The following NCOR2 variants were observed in gnomAD, a reference collection of about 807,000 sequenced individuals.
The protein encoded by NCOR2 is CTG repeat protein 26.
A neutral mutation model predicts 262.9 loss-of-function variants in NCOR2; 81 were observed. That is an observed-to-expected ratio of 0.31 (90% CI 0.26 to 0.37). NCOR2 has a LOEUF of 0.37. Among genes scored for constraint, NCOR2 ranks in the 10% least tolerant of loss-of-function variants. NCOR2 has a pLI of 1.00. For synonymous variants in NCOR2, 1,659 were observed against 1,559.3 expected (o/e 1.06, Z -1.51); for missense variants, 3,385 against 3,621.4 (o/e 0.93, Z 1.68).
At chr12:124,392,336 C>A (rs891419133) in intron 16 of NCOR2, among the ~76,000 whole-genome samples, 13 of 152,200 alleles carry the variant, frequency 8.5e-5, no homozygotes, top group African/African-American at 3.1e-4. Context: ...TCCAAACCAT[C>A]ACAACAGACT....
chr12:124,343,772 G>A (rs1477744651), intron 32 of NCOR2, among the ~76,000 whole-genome samples: 4 of 152,048 alleles, frequency 2.6e-5, no homozygotes, highest in Non-Finnish European at 5.9e-5. Flanking sequence ...GAATACAGGT[G>A]CGTACCACCA....
chr12:124,544,641 C>G (rs557565561), intron 1 of NCOR2, among the ~76,000 whole-genome samples: 5 of 152,176 alleles, frequency 3.3e-5, no homozygotes, highest in Non-Finnish European at 2.9e-5. Context: ...CACACCCGCC[C>G]GGGCCCAGGG....
At chr12:124,353,215 A>G (rs1193551591) in intron 27 of NCOR2, among the ~76,000 whole-genome samples, 3 of 151,906 alleles carry the variant, frequency 2.0e-5, no homozygotes, top group African/African-American at 7.3e-5. Flanking sequence ...CAGGAGAATG[A>G]CTCTCCCAGG....
rs1297253810 is a variant in NCOR2 at position 124,483,898 on chromosome 12, G to A, written c.234-125C>T. 7.7e-6 allele frequency: 9 copies of A among 1,167,040 alleles called. No individual in the cohort carries two copies. The highest frequency in any genetic ancestry group is 1.8e-5 in the South Asian group (1 of 54,754). The allele number at this position is 1,167,040 out of a possible 1,614,324, so 72.3% of individuals were successfully genotyped here. ...TGCTCTGTATGATCCTGCCAGGAAG[G>A]TGCTCACAGGAGCCCACCTCCCACG... is the stretch of plus-strand genomic sequence containing the variant. On this transcript the variant is annotated intron_variant, in intron 2 of 46. Coordinates refer to ENST00000405201, the Ensembl canonical transcript of NCOR2. This position sits in a 1 kb window ranked among gnomAD's most constrained non-coding sequence, Gnocchi z 6.3.
At chr12:124,342,147 T>A in intron 33 of NCOR2, 73 bp from the exon 36 acceptor site, 1 of 1,497,588 alleles carries the variant, frequency 6.7e-7, no homozygotes, top group South Asian at 1.3e-5. Context: ...CCTGTCTGGA[T>A]GCCCCCTACT....
At chr12:124,478,142 T>C (rs2047209587) in intron 3 of NCOR2, among the ~76,000 whole-genome samples, 1 of 152,154 alleles carries the variant, frequency 6.6e-6, no homozygotes, top group Admixed American at 6.5e-5. Flanking sequence ...GAGGAAGGCC[T>C]GGAGTCACCG....
intron 11 of NCOR2, 43 bp downstream of exon 13, chr12:124,426,579 G>A (rs776333955): frequency 3.9e-6 from 6 of 1,527,326 alleles, no homozygotes; most frequent in Admixed American, 1.8e-5. Flanking sequence ...AACAGGATGG[G>A]GGTGGGGGGC....
chr12:124,385,383 C>T (rs1352698596), intron 17 of NCOR2, among the ~76,000 whole-genome samples: 8 of 152,222 alleles, frequency 5.3e-5, no homozygotes, highest in African/African-American at 7.2e-5. Flanking sequence ...CTCATTCCAA[C>T]GCGCTGACAG....
chr12:124,412,909 T>C (rs1415576842), intron 13 of NCOR2, among the ~76,000 whole-genome samples: 1 of 151,842 alleles, frequency 6.6e-6, no homozygotes, highest in Non-Finnish European at 1.5e-5. Flanking sequence ...AAAGCAGACC[T>C]TGGCCTCAGA....
rs1324818784 is a variant in NCOR2, at chr12:124,503,666, G to A, written c.-117-8298C>T. 2.1e-5 allele frequency among the ~76,000 whole-genome samples: 3 copies of A among 140,024 alleles called. No homozygotes were observed. Among genetic ancestry groups the A allele is most frequent in the African/African-American group, 5.9e-5 (2 of 34,022 alleles). 91.9% of individuals were successfully genotyped at this position (140,024 alleles called of 152,430 possible). On this transcript the variant is annotated intron_variant, in intron 1 of 46. Coordinates refer to the NCOR2 transcript ENST00000404621. This position sits in a 1 kb window ranked among gnomAD's most constrained non-coding sequence, Gnocchi z 4.3. Reference sequence around the variant, plus strand: ...TGGATGGATGGATGGATGGATGGACGGGTGAATGGATGGATGGATGGATGG... The same window carrying A: ...TGGATGGATGGATGGATGGATGGACAGGTGAATGGATGGATGGATGGATGG...
intron 37 of NCOR2, among the ~76,000 whole-genome samples, chr12:124,337,962 G>T (rs991225272): frequency 6.6e-6 from 1 of 152,198 alleles, no homozygotes; most frequent in African/African-American, 2.4e-5. Context: ...TTTTTGAATC[G>T]GCTGTCACGG....
At chr12:124,493,962 G>C (rs2048235982) in intron 1 of NCOR2, among the ~76,000 whole-genome samples, 1 of 152,138 alleles carries the variant, frequency 6.6e-6, no homozygotes, top group Non-Finnish European at 1.5e-5. Flanking sequence ...CTCTTTCACA[G>C]GGCCGCCCAG....
exon 31 of NCOR2, chr12:124,346,618 G>A (rs774308543): frequency 5.6e-6 from 9 of 1,593,078 alleles, no homozygotes; most frequent in Non-Finnish European, 7.7e-6. Context: ...GCTCGGGCGT[G>A]TGCCGCAGCT....
At chr12:124,534,157 C>A (rs2050998254) in intron 1 of NCOR2, among the ~76,000 whole-genome samples, 1 of 152,082 alleles carries the variant, frequency 6.6e-6, no homozygotes, top group Non-Finnish European at 1.5e-5. Context: ...AGAAAAGGAA[C>A]AGTACAAATG....
rs181827568 is a variant in NCOR2, at chr12:124,379,000, C to T, written c.2020-616G>A. On this transcript the variant is annotated intron_variant, in intron 17 of 46. Coordinates refer to ENST00000405201, the Ensembl canonical transcript of NCOR2. The surrounding 1 kb of genome is among the most constrained non-coding windows in gnomAD (Gnocchi z 4.2). Reference sequence around the variant, plus strand: ...AGCAGCACTCAGAGGATCAGAGGGTCGCGTGGGTGAAACAGGATGGGACAA... The same window carrying T: ...AGCAGCACTCAGAGGATCAGAGGGTTGCGTGGGTGAAACAGGATGGGACAA... Among the ~76,000 whole-genome samples, 13 of 152,382 alleles carry T rather than the reference C, an allele frequency of 8.5e-5. No homozygotes were observed. In the East Asian group the frequency reaches 2.3e-3, roughly 27 times the overall value.
At chr12:124,428,159 G>T (rs2136336200) in intron 10 of NCOR2, among the ~76,000 whole-genome samples, 1 of 150,798 alleles carries the variant, frequency 6.6e-6, no homozygotes, top group Admixed American at 6.6e-5. Flanking sequence ...AGGGCCACCG[G>T]CCTCCTCCTT....
chr12:124,484,063 C>T (rs2047647787), intron 2 of NCOR2, among the ~76,000 whole-genome samples: 1 of 152,166 alleles, frequency 6.6e-6, no homozygotes, highest in Non-Finnish European at 1.5e-5. Context: ...CTACGGACCA[C>T]CCCACCGTCC....
chr12:124,458,437 C>A (rs2045993182), intron 5 of NCOR2, among the ~76,000 whole-genome samples: 1 of 152,180 alleles, frequency 6.6e-6, no homozygotes, highest in Non-Finnish European at 1.5e-5. Context: ...AGCCCAGAGC[C>A]CGGCCCACCA....
At position 124,469,033 on chromosome 12, in the gene NCOR2, C is replaced by T. The variant is rs145153489; in HGVS notation, c.592-2747G>A. 1.1e-4 allele frequency among the ~76,000 whole-genome samples: 17 copies of T among 148,472 alleles called. No homozygotes were observed. The Admixed American group carries it at 1.2e-3, about 10-fold the overall frequency. ...TCATCCTCATCTGTCCATGTATGAACCCCCTCCTCCTAACACAGTTGGAAA... is the reference window on the plus strand; with the variant it reads ...TCATCCTCATCTGTCCATGTATGAATCCCCTCCTCCTAACACAGTTGGAAA... On this transcript the variant is annotated intron_variant, in intron 4 of 46. Coordinates refer to ENST00000405201, the Ensembl canonical transcript of NCOR2.
Sources: gnomAD v4.1 joint callset for allele counts (sites outside exome capture counted in the v4.1 genomes callset) on GRCh38, gnomAD v4.1.1 for gene constraint, Gnocchi (gnomAD v3.1) non-coding constraint, MANE v1.5 for transcripts, NCBI Gene and HGNC (gene_info 2026-07-23, HGNC 2026-07-21) for gene names.